Variants in C19orf38 observed in about 807,000 individuals in gnomAD.
C19orf38 encodes the protein protein HIDE1.
A neutral mutation model predicts 26.6 loss-of-function variants in C19orf38; 14 were observed. The observed-to-expected ratio is 0.53, with a 90% CI of 0.35 to 0.82. The LOEUF (loss-of-function observed/expected upper bound fraction) is 0.82. C19orf38 is among the 40% of genes least tolerant of loss of function. The pLI is 0.01. For missense variants in C19orf38, 261 were observed against 299.5 expected, an observed-to-expected ratio of 0.87 and a Z score of 0.95; for synonymous variants, 132 against 128.5, an observed-to-expected ratio of 1.03 and a Z score of -0.18.
chr19:10,863,962 C>T (rs1354644331), intron 6 of C19orf38, among the ~76,000 whole-genome samples: 1 of 152,016 alleles, frequency 6.6e-6, no homozygotes, highest in Admixed American at 6.6e-5. Context: ...CAAGGCTACC[C>T]CAAAATGTAG....
intron 6 of C19orf38, 118 bp downstream of exon 6, chr19:10,863,325 G>A: frequency 8.5e-7 from 1 of 1,176,742 alleles, no homozygotes; most frequent in Non-Finnish European, 1.2e-6. Context: ...CTGCGGGGGG[G>A]CTAGGAAAAG....
chr19:10,862,190 G>A (rs1415693469), intron 5 of C19orf38, among the ~76,000 whole-genome samples: 3 of 149,412 alleles, frequency 2.0e-5, no homozygotes, highest in Non-Finnish European at 4.4e-5. Context: ...ATGAGCCACC[G>A]CGCCCAGCCT....
intron 6 of C19orf38, among the ~76,000 whole-genome samples, chr19:10,864,249 G>A (rs951915589): frequency 1.3e-5 from 2 of 151,910 alleles, no homozygotes; most frequent in African/African-American, 2.4e-5. Context: ...TAGTAGAGAC[G>A]GGGGTTTCAC....
Position 10,859,908 on chromosome 19 carries a change from T to A in C19orf38, c.462-7T>A. ...TCCCTGTCACTTTCTCCTGAATTCC[T>A]TTGCAGAGATCGAGAATCCTGCTGG... On this transcript the variant is annotated splice_polypyrimidine_tract_variant and splice_region_variant and intron_variant, in intron 4 of 6. Transcript: ENST00000397820. 1 of 1,551,676 alleles carries A rather than the reference T, an allele frequency of 6.4e-7. No individual in the cohort carries two copies. Among genetic ancestry groups the A allele is most frequent in the South Asian group, 1.2e-5 (1 of 84,058 alleles).
intron 3 of C19orf38, among the ~76,000 whole-genome samples, chr19:10,856,825 C>G (rs548187551): frequency 2.0e-5 from 3 of 151,878 alleles, no homozygotes; most frequent in African/African-American, 7.3e-5. Flanking sequence ...TATTTGGAGA[C>G]TCAGTCTGTC....
At chr19:10,869,095 G>A in intron 6 of C19orf38, 123 bp from the exon 7 acceptor site, 1 of 1,263,440 alleles carries the variant, frequency 7.9e-7, no homozygotes, top group Admixed American at 2.2e-5. Context: ...GGTGGGTGTG[G>A]GTGGGGGCGG....
rs1164393634 is a variant in C19orf38, at chr19:10,859,348, G to GTATATATATA, written c.462-539_462-530dup. Among the ~76,000 whole-genome samples the GTATATATATA allele has an allele frequency of 1.1e-4, 6 of 55,940 alleles. No individual in the cohort carries two copies. The South Asian group carries it at 2.1e-3, about 19-fold the overall frequency. The allele number at this position is 55,940 out of a possible 152,430, so 36.7% of individuals were successfully genotyped here. On this transcript the variant is annotated intron_variant, in intron 4 of 6. Coordinates refer to ENST00000397820, the MANE Select transcript of C19orf38 (RefSeq NM_001136482.3). ...TGTATGTATGTGTGTGTGTGTGTGTGTATATATATATATATATATATATAT... is the reference window on the plus strand; with the variant it reads ...TGTATGTATGTGTGTGTGTGTGTGTGTATATATATATATATATATATATATATATATATAT...
At chr19:10,837,611 G>A (rs922977564) in intron 1 of C19orf38, among the ~76,000 whole-genome samples, 4 of 144,342 alleles carry the variant, frequency 2.8e-5, no homozygotes, top group African/African-American at 7.7e-5. Flanking sequence ...GGGTTCCAGC[G>A]ATCCTCCTGC....
chr19:10,859,290 GTA>G (rs35597231), intron 4 of C19orf38, among the ~76,000 whole-genome samples: 8 of 131,500 alleles, frequency 6.1e-5, no homozygotes, highest in South Asian at 2.4e-4. Context: ...ATGTGTGTGT[GTA>G]TATGTGTGTG....
upstream of C19orf38, among the ~76,000 whole-genome samples, chr19:10,847,240 ATTCCCT>A (rs2073525290): frequency 6.6e-6 from 1 of 152,052 alleles, no homozygotes; most frequent in African/African-American, 2.4e-5. Context: ...TGGAACTGGT[ATTCCCT>A]TTCATGTGGC....
intron 2 of C19orf38, among the ~76,000 whole-genome samples, chr19:10,852,660 G>A (rs1162027849): frequency 6.6e-6 from 1 of 152,222 alleles, no homozygotes; most frequent in African/African-American, 2.4e-5. Flanking sequence ...AGCTTCCCTG[G>A]TGTGTCTGAG....
chr19:10,854,045 C>T (rs1195792787), intron 2 of C19orf38, among the ~76,000 whole-genome samples: 1 of 150,974 alleles, frequency 6.6e-6, no homozygotes, highest in South Asian at 2.1e-4. Flanking sequence ...AGAGGGAGAC[C>T]CTGTCTGTAA....
rs1371532811 is a variant in C19orf38 at position 10,850,252 on chromosome 19, A to C, written c.32-7A>C. The C allele has an allele frequency of 6.5e-6, 10 of 1,548,390 alleles. No individual in the cohort carries two copies. The highest frequency in any genetic ancestry group is 8.7e-6 in the Non-Finnish European group (10 of 1,146,380). On this transcript the variant is annotated splice_region_variant and splice_polypyrimidine_tract_variant and intron_variant, in intron 1 of 6. Coordinates refer to ENST00000397820, the MANE Select transcript of C19orf38 (RefSeq NM_001136482.3). ...CGCACCCACCCACCTTACCCTCTGC[A>C]TTGCAGGCTCCTTGGCGATCCCAGC... is the stretch of plus-strand genomic sequence containing the variant.
At chr19:10,846,281 C>T (rs549699334), upstream of C19orf38, among the ~76,000 whole-genome samples, 631 of 151,920 alleles carry the variant, frequency 4.2e-3, 6 homozygotes, top group African/African-American at 0.015. Context: ...ACTGCAAGCT[C>T]TCCTTCCCGG....
Position 10,869,507 on chromosome 19 carries a change from TTCA to T in C19orf38, c.*144_*146del. On this transcript the variant is annotated 3_prime_UTR_variant, in exon 7 of 7. Transcript: ENST00000397820. ...GAAGGGGAACCCTGGCCTTGGGATT[TTCA>T]TCACAGAGGAGTGGGAGAGGGGACA... 8.1e-7 allele frequency: 1 copy of T among 1,234,954 alleles called. No individual in the cohort carries two copies. The highest frequency in any genetic ancestry group is 1.1e-6 in the Non-Finnish European group (1 of 918,694). 76.5% of individuals were successfully genotyped at this position (1,234,954 alleles called of 1,614,324 possible).
At chr19:10,841,660 C>T (rs1465152530) in intron 1 of C19orf38, among the ~76,000 whole-genome samples, 1 of 151,984 alleles carries the variant, frequency 6.6e-6, no homozygotes, top group Admixed American at 6.6e-5. Flanking sequence ...TTTACTGAGC[C>T]TCTGACAGTG....
chr19:10,858,441 C>A, intron 4 of C19orf38, 98 bp downstream of exon 4: 1 of 1,186,820 alleles, frequency 8.4e-7, no homozygotes, highest in Non-Finnish European at 1.2e-6. Flanking sequence ...AACAGCGCCT[C>A]CTGGTGGGCA....
intron 6 of C19orf38, among the ~76,000 whole-genome samples, chr19:10,863,774 G>A (rs1406252435): frequency 3.3e-5 from 5 of 152,080 alleles, no homozygotes; most frequent in African/African-American, 7.2e-5. Flanking sequence ...TTAGCTGGGC[G>A]TGGTGGTGCA....
chr19:10,847,260 T>C (rs554190503), upstream of C19orf38, among the ~76,000 whole-genome samples: 1 of 152,206 alleles, frequency 6.6e-6, no homozygotes, highest in East Asian at 1.9e-4. Context: ...ATGTGGCTGA[T>C]CAAACTTCTG....
Sources: allele counts gnomAD v4.1 joint callset (sites outside exome capture counted in the v4.1 genomes callset), GRCh38; gene constraint gnomAD v4.1.1; transcripts MANE v1.5; gene names NCBI Gene and HGNC (gene_info 2026-07-23, HGNC 2026-07-21).